The following FSTL4 variants were observed in gnomAD, a reference collection of about 807,000 sequenced individuals.
The protein encoded by FSTL4 is follistatin-related protein 4.
A neutral mutation model predicts 78.2 loss-of-function variants in FSTL4; 28 were observed. The ratio of observed to expected loss-of-function variants is 0.36; its 90% CI spans 0.27 to 0.49. The LOEUF is 0.49. Ranked by LOEUF, FSTL4 falls within the 20% of genes least tolerant of loss-of-function variation. FSTL4 has a pLI of 0.98. For missense variants in FSTL4, 922 were observed against 1,084.9 expected, an observed-to-expected ratio of 0.85 and a Z score of 2.11; for synonymous variants, 422 against 440.5, an observed-to-expected ratio of 0.96 and a Z score of 0.53.
chr5:133,249,762 A>G (rs1244843080), intron 6 of FSTL4, among the ~76,000 whole-genome samples, 186 bp from the exon 7 acceptor site: 3 of 152,276 alleles, frequency 2.0e-5, no homozygotes, highest in Non-Finnish European at 4.4e-5. Flanking sequence ...AGGAGCCAAG[A>G]CTTAGGTCAA....
intron 4 of FSTL4, among the ~76,000 whole-genome samples, chr5:133,391,948 T>G (rs542029838): frequency 6.6e-6 from 1 of 152,358 alleles, no homozygotes; most frequent in Non-Finnish European, 1.5e-5. Context: ...CCATGGGGAC[T>G]GGGCTCTGTT....
the FSTL4 span, among the ~76,000 whole-genome samples, chr5:133,680,087 T>C: frequency 3.9e-5 from 6 of 152,200 alleles, no homozygotes; most frequent in Non-Finnish European, 7.3e-5. Flanking sequence ...AACCTGATCA[T>C]GTCAAACAAC....
chr5:133,486,325 G>T (rs1425936181), intron 3 of FSTL4, among the ~76,000 whole-genome samples: 1 of 151,374 alleles, frequency 6.6e-6, no homozygotes, highest in Non-Finnish European at 1.5e-5. Context: ...GACAGTGAGA[G>T]ACTGAAGGAG....
intron 4 of FSTL4, among the ~76,000 whole-genome samples, chr5:133,393,262 G>A (rs1440362976): frequency 2.6e-5 from 4 of 152,200 alleles, no homozygotes; most frequent in African/African-American, 7.2e-5. Context: ...TGTCCTTGAG[G>A]TCTTGGAGGC....
At chr5:133,353,824 G>A (rs954058361) in intron 4 of FSTL4, among the ~76,000 whole-genome samples, 1 of 152,238 alleles carries the variant, frequency 6.6e-6, no homozygotes, top group Non-Finnish European at 1.5e-5. Flanking sequence ...CTGGGTTGCA[G>A]TGGCACTTCC....
At chr5:133,298,561 G>A (rs1753460986) in intron 6 of FSTL4, among the ~76,000 whole-genome samples, 1 of 152,248 alleles carries the variant, frequency 6.6e-6, no homozygotes, top group African/African-American at 2.4e-5. Flanking sequence ...TTCACCTGTT[G>A]TGTTGCTTCA....
At chr5:133,666,851 A>G in the FSTL4 span, among the ~76,000 whole-genome samples, 1 of 152,218 alleles carries the variant, frequency 6.6e-6, no homozygotes, top group Non-Finnish European at 1.5e-5. Flanking sequence ...GTTGTCTTTT[A>G]CTTTCTGAAA....
intron 3 of FSTL4, among the ~76,000 whole-genome samples, chr5:133,403,756 G>A (rs1756292225): frequency 6.6e-6 from 1 of 152,178 alleles, no homozygotes. Flanking sequence ...TGGAGAAGCA[G>A]AGTTGGAAGG....
intron 4 of FSTL4, among the ~76,000 whole-genome samples, chr5:133,331,963 G>A (rs1186234759): frequency 1.3e-5 from 2 of 152,330 alleles, no homozygotes; most frequent in African/African-American, 4.8e-5. Context: ...GTGAAAGTCG[G>A]TGCCAGGCGG....
chr5:133,686,594 C>A, the FSTL4 span, among the ~76,000 whole-genome samples: 20 of 152,316 alleles, frequency 1.3e-4, no homozygotes, highest in African/African-American at 4.8e-4. Context: ...GCAGAAGCTT[C>A]CCCTTATCCA....
intron 3 of FSTL4, among the ~76,000 whole-genome samples, chr5:133,432,294 C>A (rs895325329): frequency 3.3e-5 from 5 of 152,316 alleles, no homozygotes; most frequent in Non-Finnish European, 5.9e-5. Flanking sequence ...TGTCACAATG[C>A]CTCTCTAAAC....
chr5:133,312,007 T>C (rs906337849), intron 6 of FSTL4, among the ~76,000 whole-genome samples: 42 of 152,138 alleles, frequency 2.8e-4, no homozygotes, highest in Non-Finnish European at 4.4e-4. Flanking sequence ...CAGCACCACC[T>C]CTGGTTAATG....
At chr5:133,258,233 G>T (rs1286025542) in intron 6 of FSTL4, among the ~76,000 whole-genome samples, 1 of 152,184 alleles carries the variant, frequency 6.6e-6, no homozygotes, top group Non-Finnish European at 1.5e-5. Flanking sequence ...TCATTGTCTT[G>T]GTTAGTTTTA....
At chr5:133,730,896 G>A in the FSTL4 span, among the ~76,000 whole-genome samples, 50 of 152,326 alleles carry the variant, frequency 3.3e-4, no homozygotes, top group African/African-American at 1.1e-3. Flanking sequence ...AGAATGGGGT[G>A]CTTAATGCCT....
chr5:133,782,989 C>T, the FSTL4 span, among the ~76,000 whole-genome samples: 1 of 152,198 alleles, frequency 6.6e-6, no homozygotes, highest in African/African-American at 2.4e-5. Flanking sequence ...TGTAGGCATT[C>T]CAATGATTGC....
At chr5:133,692,318 GA>G in the FSTL4 span, among the ~76,000 whole-genome samples, 3 of 152,194 alleles carry the variant, frequency 2.0e-5, no homozygotes, top group Non-Finnish European at 4.4e-5. Flanking sequence ...AAGGATCTTG[GA>G]GGAGGTTGGA....
At chr5:133,224,007 TAA>T (rs1238323629) in intron 11 of FSTL4, 181 bp downstream of exon 11, 1 of 530,334 alleles carries the variant, frequency 1.9e-6, no homozygotes, top group African/African-American at 1.9e-5. Flanking sequence ...AATTTCTCAT[TAA>T]AGACAGGAGT....
intron 6 of FSTL4, among the ~76,000 whole-genome samples, chr5:133,288,844 G>A (rs1339630244): frequency 6.6e-6 from 1 of 152,074 alleles, no homozygotes; most frequent in Non-Finnish European, 1.5e-5. Context: ...CATTTTTCTG[G>A]GTCGCATGTC....
At chr5:133,258,494 A>C (rs940525145) in intron 6 of FSTL4, among the ~76,000 whole-genome samples, 3 of 152,206 alleles carry the variant, frequency 2.0e-5, no homozygotes, top group African/African-American at 7.2e-5. Flanking sequence ...TCCTGCTTTC[A>C]GACTGAAACT....
Sources: allele counts gnomAD v4.1 joint callset (sites outside exome capture counted in the v4.1 genomes callset), GRCh38; gene constraint gnomAD v4.1.1; transcripts MANE v1.5; gene names NCBI Gene and HGNC (gene_info 2026-07-23, HGNC 2026-07-21).